The following LDLRAD3 variants were observed in gnomAD, a reference collection of about 807,000 sequenced individuals.
LDLRAD3 encodes low-density lipoprotein receptor class A domain-containing protein 3.
In LDLRAD3, 20 loss-of-function variants were observed where a neutral mutation model predicts 29.4. The ratio of observed to expected loss-of-function variants is 0.68; its 90% CI spans 0.48 to 0.99. The LOEUF is 0.99. Ranked by LOEUF, LDLRAD3 falls within the 50% of genes least tolerant of loss-of-function variation. The pLI is 0.00. For missense variants in LDLRAD3, 420 were observed against 454.3 expected, an observed-to-expected ratio of 0.92 and a Z score of 0.69; for synonymous variants, 157 against 192.7, an observed-to-expected ratio of 0.81 and a Z score of 1.53.
chr11:36,206,522 G>A (rs1056377396), intron 4 of LDLRAD3, among the ~76,000 whole-genome samples: 1 of 152,160 alleles, frequency 6.6e-6, no homozygotes, highest in Non-Finnish European at 1.5e-5. Flanking sequence ...TCTAGTTAGG[G>A]AACTCAGGGG....
chr11:35,950,577 A>G (rs1257376004), intron 1 of LDLRAD3, among the ~76,000 whole-genome samples: 1 of 152,158 alleles, frequency 6.6e-6, no homozygotes, highest in Non-Finnish European at 1.5e-5. Context: ...CTGTATATGT[A>G]AAACCTTTCT....
intron 1 of LDLRAD3, among the ~76,000 whole-genome samples, chr11:35,961,430 G>A (rs1317472065): frequency 6.6e-6 from 1 of 152,206 alleles, no homozygotes; most frequent in African/African-American, 2.4e-5. Context: ...CTGCCTCAGT[G>A]TGTTCTTTAC....
chr11:35,967,936 G>A, intron 1 of LDLRAD3: 1 of 392,988 alleles, frequency 2.5e-6, no homozygotes. Flanking sequence ...TTCACGCAAA[G>A]CCAAATTCTC....
chr11:36,161,265 C>T (rs1854435221), intron 4 of LDLRAD3, among the ~76,000 whole-genome samples: 2 of 152,124 alleles, frequency 1.3e-5, no homozygotes, highest in Admixed American at 1.3e-4. Context: ...TCTTATATTA[C>T]CCCTTTGATT....
chr11:36,118,534 GGAGA>G (rs371297512), intron 4 of LDLRAD3, among the ~76,000 whole-genome samples: 1 of 150,134 alleles, frequency 6.7e-6, no homozygotes, highest in Admixed American at 6.7e-5. Context: ...AGAGAAGGAG[GGAGA>G]GAGAGAGAAA....
chr11:36,026,433 T>G (rs1000935949), intron 1 of LDLRAD3, among the ~76,000 whole-genome samples: 1 of 152,192 alleles, frequency 6.6e-6, no homozygotes, highest in Non-Finnish European at 1.5e-5. Flanking sequence ...CTATTAGGAT[T>G]GGCTGGGTCA....
At chr11:36,161,957 C>T (rs951424117) in intron 4 of LDLRAD3, among the ~76,000 whole-genome samples, 1 of 152,198 alleles carries the variant, frequency 6.6e-6, no homozygotes, top group African/African-American at 2.4e-5. Context: ...GTGCAGTCCG[C>T]AGACTTAGAA....
chr11:35,980,574 C>T lies in LDLRAD3; in HGVS notation c.46+36430C>T, dbSNP rs58059568. ...ATTAATGAGAAACTTGGATTCTGCT[C>T]CTGGGCCTTGTGAAAGTATTTTCTG... On this transcript the variant is annotated intron_variant, in intron 1 of 5. Transcript: ENST00000315571. 2.0e-5 allele frequency among the ~76,000 whole-genome samples: 3 copies of T among 152,284 alleles called. No homozygotes were observed. The East Asian group carries it at 5.8e-4, about 29-fold the overall frequency.
chr11:36,069,758 A>C (rs937344842), intron 2 of LDLRAD3, among the ~76,000 whole-genome samples: 1 of 152,094 alleles, frequency 6.6e-6, no homozygotes, highest in Non-Finnish European at 1.5e-5. Flanking sequence ...GCCTTTACAC[A>C]GGCGGCTTGG....
intron 1 of LDLRAD3, among the ~76,000 whole-genome samples, chr11:35,973,629 T>A (rs1851442619): frequency 6.7e-6 from 1 of 148,892 alleles, no homozygotes; most frequent in South Asian, 2.1e-4. Context: ...CACGCCTGGC[T>A]AATTTTTGTA....
chr11:36,191,679 G>A (rs970298016), intron 4 of LDLRAD3, among the ~76,000 whole-genome samples: 6 of 149,762 alleles, frequency 4.0e-5, no homozygotes, highest in Admixed American at 2.0e-4. Context: ...ATTTGAATTC[G>A]TTGAGAAGAG....
At chr11:36,224,423 A>G (rs1476617842) in intron 4 of LDLRAD3, among the ~76,000 whole-genome samples, 3 of 152,230 alleles carry the variant, frequency 2.0e-5, no homozygotes, top group Non-Finnish European at 4.4e-5. Flanking sequence ...AGTTTAAGCC[A>G]GAATTCTGAA....
intron 4 of LDLRAD3, among the ~76,000 whole-genome samples, chr11:36,156,043 T>C (rs1406168351): frequency 6.6e-6 from 1 of 152,176 alleles, no homozygotes; most frequent in African/African-American, 2.4e-5. Flanking sequence ...CACATTAGAA[T>C]CACCCAGGGA....
At chr11:36,210,892 C>T (rs534482388) in intron 4 of LDLRAD3, among the ~76,000 whole-genome samples, 1 of 152,288 alleles carries the variant, frequency 6.6e-6, no homozygotes, top group African/African-American at 2.4e-5. Flanking sequence ...GGAGGGATAG[C>T]GGGAGAGGGG....
At chr11:36,104,292 T>G (rs1481160023) in intron 4 of LDLRAD3, among the ~76,000 whole-genome samples, 2 of 152,182 alleles carry the variant, frequency 1.3e-5, no homozygotes, top group Non-Finnish European at 2.9e-5. Flanking sequence ...AACAGAGACA[T>G]CTGCAGCCCC....
chr11:36,092,641 C>T (rs1853300869), intron 3 of LDLRAD3, among the ~76,000 whole-genome samples: 1 of 152,208 alleles, frequency 6.6e-6, no homozygotes, highest in Non-Finnish European at 1.5e-5. Context: ...CTGTCCCCTT[C>T]TCTGGCTGTC....
At chr11:36,211,859 G>A (rs113760062) in intron 4 of LDLRAD3, among the ~76,000 whole-genome samples, 4 of 152,224 alleles carry the variant, frequency 2.6e-5, no homozygotes, top group South Asian at 4.2e-4. Context: ...AAGCATCTCC[G>A]CTCCCTGCAT....
chr11:36,159,323 G>T (rs1279182171), intron 4 of LDLRAD3, among the ~76,000 whole-genome samples: 1 of 151,682 alleles, frequency 6.6e-6, no homozygotes, highest in Non-Finnish European at 1.5e-5. Context: ...TAAAAAACTT[G>T]CTGGGTATGG....
At position 36,011,727 on chromosome 11, in the gene LDLRAD3, A is replaced by C. The variant is rs959036270; in HGVS notation, c.47-24376A>C. 1.3e-5 allele frequency among the ~76,000 whole-genome samples: 2 copies of C among 152,218 alleles called. 1 individual carries two copies. The highest frequency in any genetic ancestry group is 4.1e-4 in the South Asian group (2 of 4,830). ...GCGAGCCAGTTAGAGCCTGATTTGC[A>C]TGCTAGTTCTCATTACCTGGCTTGT... On this transcript the variant is annotated intron_variant, in intron 1 of 5. Transcript: ENST00000315571.
Sources: gnomAD v4.1 joint callset for allele counts (sites outside exome capture counted in the v4.1 genomes callset) on GRCh38, gnomAD v4.1.1 for gene constraint, MANE v1.5 for transcripts, NCBI Gene and HGNC (gene_info 2026-07-23, HGNC 2026-07-21) for gene names.